MB21D2: variants seen among roughly 807,000 people sequenced by gnomAD.
MB21D2 encodes the protein Mab-21 domain containing 2.
Under a neutral mutation model 33.3 loss-of-function variants are expected in MB21D2, and 9 were observed. The ratio of observed to expected loss-of-function variants is 0.27; its 90% CI spans 0.16 to 0.47. The LOEUF (loss-of-function observed/expected upper bound fraction) is 0.47, where lower values mean the gene tolerates loss of function less well. Among genes scored for constraint, MB21D2 ranks in the 20% least tolerant of loss-of-function variants. MB21D2 has a pLI of 0.99. For synonymous variants in MB21D2, 241 were observed against 236.3 expected, an observed-to-expected ratio of 1.02 and a Z score of -0.18; for missense variants, 540 against 624.6, an observed-to-expected ratio of 0.86 and a Z score of 1.44.
intron 1 of MB21D2, among the ~76,000 whole-genome samples, chr3:192,856,819 T>C (rs941673222): frequency 1.3e-5 from 2 of 152,160 alleles, no homozygotes; most frequent in African/African-American, 2.4e-5. Flanking sequence ...TCCGAAAGTG[T>C]TGGGATTACA....
chr3:192,840,380 C>T (rs766083501), intron 1 of MB21D2, among the ~76,000 whole-genome samples: 5 of 137,762 alleles, frequency 3.6e-5, no homozygotes, highest in Non-Finnish European at 7.8e-5. Flanking sequence ...TAACTTTGTG[C>T]TTGGGAGTAT....
intron 1 of MB21D2, among the ~76,000 whole-genome samples, 178 bp downstream of exon 1, chr3:192,917,452 C>T (rs67241930): frequency 0.34 from 52,074 of 152,004 alleles, 11,028 homozygotes; most frequent in Middle Eastern, 0.46. Flanking sequence ...GGAGGGCAGG[C>T]AGCTCGGCTT....
intron 1 of MB21D2, among the ~76,000 whole-genome samples, chr3:192,889,501 C>CT (rs1377138405): frequency 2.2e-4 from 33 of 152,020 alleles, no homozygotes; most frequent in African/African-American, 8.0e-4. Flanking sequence ...TTTAAAAAGT[C>CT]TTATTGTACC....
At chr3:192,836,766 G>T (rs1374499644) in intron 1 of MB21D2, among the ~76,000 whole-genome samples, 2 of 152,162 alleles carry the variant, frequency 1.3e-5, no homozygotes, top group Non-Finnish European at 1.5e-5. Flanking sequence ...ACACTGAACA[G>T]ATTTAACTGT....
At position 192,797,555 on chromosome 3, in the gene MB21D2, G is replaced by A. The variant is rs1454520452; in HGVS notation, c.*831C>T. Reference sequence around the variant, plus strand: ...AAATGGGCAAAATGAAAAAATGATAGAATTTCGAGAGTGGTTGTTAATTTA... The same window carrying A: ...AAATGGGCAAAATGAAAAAATGATAAAATTTCGAGAGTGGTTGTTAATTTA... On this transcript the variant is annotated 3_prime_UTR_variant, in exon 2 of 2. Transcript: ENST00000392452. The A allele has an allele frequency of 6.6e-6, 1 of 152,552 alleles. No individual in the cohort carries two copies. Among genetic ancestry groups the A allele is most frequent in the African/African-American group, 2.4e-5 (1 of 41,408 alleles). 9.4% of individuals were successfully genotyped at this position (152,552 alleles called of 1,614,324 possible). A position where few individuals can be genotyped will look rare whatever the true frequency, so the allele number is the denominator to read the frequency against.
At chr3:192,855,137 G>A (rs192037505) in intron 1 of MB21D2, among the ~76,000 whole-genome samples, 1 of 151,878 alleles carries the variant, frequency 6.6e-6, no homozygotes, top group East Asian at 1.9e-4. Context: ...TTGCTCTGTT[G>A]CCCAGAGCTG....
chr3:192,896,927 G>A (rs759994645), intron 1 of MB21D2, among the ~76,000 whole-genome samples: 2 of 152,106 alleles, frequency 1.3e-5, no homozygotes, highest in East Asian at 1.9e-4. Context: ...CACAACCTGC[G>A]GAAGAAACGG....
chr3:192,866,110 C>A lies in MB21D2; in HGVS notation c.211+51520G>T, dbSNP rs1019310693. ...TCCAAGGGTAATGATGAAATGAACT[C>A]ATCAGAAACTGAGACTAGAGCCACT... On this transcript the variant is annotated intron_variant, in intron 1 of 1. Transcript: ENST00000392452. Among the ~76,000 whole-genome samples, 5 of 151,980 alleles carry A rather than the reference C, an allele frequency of 3.3e-5. No individual in the cohort carries two copies. In the South Asian group the frequency reaches 1.0e-3, roughly 32 times the overall value.
chr3:192,890,427 C>T (rs1432824293), intron 1 of MB21D2, among the ~76,000 whole-genome samples: 1 of 152,012 alleles, frequency 6.6e-6, no homozygotes, highest in Non-Finnish European at 1.5e-5. Context: ...AGAGCTTGTA[C>T]TTGTCCTTTA....
chr3:192,868,749 T>C (rs146599813), intron 1 of MB21D2, among the ~76,000 whole-genome samples: 229 of 152,290 alleles, frequency 1.5e-3, no homozygotes, highest in South Asian at 0.015. Context: ...TGGTCTCTAA[T>C]ATCCCTAGGA....
intron 1 of MB21D2, among the ~76,000 whole-genome samples, chr3:192,840,142 G>A (rs1226043015): frequency 1.3e-5 from 2 of 152,142 alleles, no homozygotes; most frequent in South Asian, 2.1e-4. Context: ...ATCATTATAA[G>A]TCTAATGTCC....
chr3:192,892,907 G>T (rs1196894740), intron 1 of MB21D2, among the ~76,000 whole-genome samples: 1 of 152,168 alleles, frequency 6.6e-6, no homozygotes, highest in Non-Finnish European at 1.5e-5. Context: ...AGACACCTCT[G>T]AACCTTTGAA....
intron 1 of MB21D2, among the ~76,000 whole-genome samples, chr3:192,885,405 C>G (rs1713709395): frequency 1.3e-5 from 2 of 152,080 alleles, no homozygotes; most frequent in Non-Finnish European, 2.9e-5. Context: ...TTTCAGTCCT[C>G]TACTCATGAA....
intron 1 of MB21D2, among the ~76,000 whole-genome samples, chr3:192,804,426 TACAC>T (rs10552964): frequency 0.15 from 22,539 of 146,584 alleles, 1,744 homozygotes; most frequent in East Asian, 0.28. Flanking sequence ...TTAAAACAGA[TACAC>T]ACACACACAC....
Position 192,917,745 on chromosome 3 carries a change from C to A in MB21D2, c.96G>T (p.Arg32=), listed in dbSNP as rs1485577568. ...FPELDFRSGA[R]VEELNKLIQE... The stretch of plus-strand genomic sequence containing the variant: ...GGATGAGTTTGTTCAATTCCTCCAC[C>A]CGAGCTCCCGACCTGAAATCCAGCT... The change falls in exon 1 of 2, where the codon CGG becomes CGT. Residue 32 remains arginine (R), a synonymous_variant. Transcript: ENST00000392452. 6.2e-7 allele frequency: 1 copy of A among 1,613,974 alleles called. No homozygotes were observed. The highest frequency in any genetic ancestry group is 1.3e-5 in the African/African-American group (1 of 74,932).
chr3:192,915,066 C>G (rs187989156), intron 1 of MB21D2, among the ~76,000 whole-genome samples: 138 of 152,236 alleles, frequency 9.1e-4, no homozygotes, highest in African/African-American at 3.2e-3. Context: ...AGGCTTGCAC[C>G]CAATTCGTGG....
At chr3:192,830,966 A>T (rs2108620708) in intron 1 of MB21D2, among the ~76,000 whole-genome samples, 1 of 152,352 alleles carries the variant, frequency 6.6e-6, no homozygotes, top group East Asian at 1.9e-4. Flanking sequence ...ACTATGTCAA[A>T]AAGGCTGTGT....
chr3:192,900,771 T>G (rs1714080754), intron 1 of MB21D2, among the ~76,000 whole-genome samples: 1 of 151,938 alleles, frequency 6.6e-6, no homozygotes. Flanking sequence ...TGAAACCCTG[T>G]CTCTACTAAA....
intron 1 of MB21D2, among the ~76,000 whole-genome samples, chr3:192,839,291 G>A (rs1018625176): frequency 1.3e-4 from 20 of 152,120 alleles, no homozygotes; most frequent in African/African-American, 3.4e-4. Context: ...CTGGATTTAC[G>A]TACCTTCCTT....
Sources: gnomAD v4.1 joint callset for allele counts (sites outside exome capture counted in the v4.1 genomes callset) on GRCh38, gnomAD v4.1.1 for gene constraint, MANE v1.5 for transcripts, NCBI Gene and HGNC (gene_info 2026-07-23, HGNC 2026-07-21) for gene names.